Variants in PIGK observed in about 807,000 individuals in gnomAD.
PIGK encodes the protein phosphatidylinositol glycan anchor biosynthesis class K.
In PIGK, 42 loss-of-function variants were observed where a neutral mutation model predicts 50.6. The observed-to-expected ratio is 0.83, with a 90% CI of 0.65 to 1.07. PIGK has a LOEUF of 1.07. Ranked by LOEUF, PIGK falls within the 50% of genes least tolerant of loss-of-function variation. PIGK has a pLI of 0.00. For synonymous variants in PIGK, 151 were observed against 156.0 expected, an observed-to-expected ratio of 0.97 and a Z score of 0.24; for missense variants, 448 against 488.7, an observed-to-expected ratio of 0.92 and a Z score of 0.78.
chr1:77,154,401 A>G (rs778309702), intron 9 of PIGK, 48 bp downstream of exon 9: 1 of 1,405,524 alleles, frequency 7.1e-7, no homozygotes, highest in South Asian at 1.2e-5. Context: ...AAAAATGTAC[A>G]AACTGTGAGA....
chr1:77,190,931 T>C (rs1469341018), intron 3 of PIGK, among the ~76,000 whole-genome samples: 2 of 152,172 alleles, frequency 1.3e-5, no homozygotes, highest in African/African-American at 2.4e-5. Flanking sequence ...AGTCTTCCAA[T>C]AGCAGGAGAG....
chr1:77,093,065 T>C (rs1358272601), intron 10 of PIGK, among the ~76,000 whole-genome samples: 1 of 152,066 alleles, frequency 6.6e-6, no homozygotes, highest in African/African-American at 2.4e-5. Context: ...AACCTATTCA[T>C]TGTGCCTATT....
At chr1:77,093,941 A>G (rs1326424699) in intron 10 of PIGK, among the ~76,000 whole-genome samples, 1 of 152,134 alleles carries the variant, frequency 6.6e-6, no homozygotes, top group Non-Finnish European at 1.5e-5. Context: ...TCTTAATTCA[A>G]TTCCAGTAGA....
chr1:77,177,223 C>A (rs1655507678), intron 3 of PIGK, among the ~76,000 whole-genome samples: 1 of 152,212 alleles, frequency 6.6e-6, no homozygotes, highest in African/African-American at 2.4e-5. Context: ...CAGTCAACCC[C>A]TTCTGTTGGG....
rs188105105 is a variant in PIGK at position 77,108,243 on chromosome 1, A to G, written c.1071+14032T>C. On this transcript the variant is annotated intron_variant, in intron 10 of 10. Transcript: ENST00000370812. ...TGGCTGGTAGTGGTTGTTCCTCTCC[A>G]TGTTTAGTGCTTCCTTCAGGAGCTC... Among the ~76,000 whole-genome samples the G allele has an allele frequency of 6.3e-4, 96 of 152,294 alleles. 1 individual carries two copies. Among genetic ancestry groups the G allele is most frequent in the African/African-American group, 2.1e-3 (89 of 41,544 alleles).
intron 9 of PIGK, among the ~76,000 whole-genome samples, chr1:77,137,943 T>C (rs1654559358): frequency 6.6e-6 from 1 of 152,194 alleles, no homozygotes; most frequent in African/African-American, 2.4e-5. Context: ...TTATTTTGTA[T>C]TTTGTAATTG....
At chr1:77,100,250 T>C (rs1033186461) in intron 10 of PIGK, among the ~76,000 whole-genome samples, 9 of 152,232 alleles carry the variant, frequency 5.9e-5, no homozygotes, top group Non-Finnish European at 1.2e-4. Flanking sequence ...AGTTAAATTG[T>C]ATTTTAAGGA....
At chr1:77,169,548 T>A (rs896373207) in intron 3 of PIGK, among the ~76,000 whole-genome samples, 153 bp from the exon 4 acceptor site, 2 of 150,490 alleles carry the variant, frequency 1.3e-5, no homozygotes, top group African/African-American at 2.4e-5. Context: ...ATTATTTTTT[T>A]CATATCCTTG....
intron 1 of PIGK, among the ~76,000 whole-genome samples, chr1:77,213,511 T>G (rs960669492): frequency 6.6e-6 from 1 of 152,100 alleles, no homozygotes; most frequent in Non-Finnish European, 1.5e-5. Context: ...AAATTTCCTT[T>G]AATACATGAA....
chr1:77,124,533 C>T (rs951724817), intron 9 of PIGK, among the ~76,000 whole-genome samples: 5 of 151,600 alleles, frequency 3.3e-5, no homozygotes, highest in East Asian at 2.0e-4. Context: ...TGCTTGAACC[C>T]GGGAGATGGA....
At chr1:77,200,894 T>C (rs1656148945) in intron 3 of PIGK, among the ~76,000 whole-genome samples, 1 of 152,018 alleles carries the variant, frequency 6.6e-6, no homozygotes, top group South Asian at 2.1e-4. Flanking sequence ...TAATTCATTA[T>C]AAAATTCCTA....
At chr1:77,163,669 T>C (rs1570234843) in intron 6 of PIGK, among the ~76,000 whole-genome samples, 177 bp downstream of exon 6, 1 of 152,164 alleles carries the variant, frequency 6.6e-6, no homozygotes, top group Non-Finnish European at 1.5e-5. Context: ...AGAATAACTC[T>C]CAGTTTTTCT....
chr1:77,214,276 T>A (rs1656496896), intron 1 of PIGK, among the ~76,000 whole-genome samples: 1 of 151,900 alleles, frequency 6.6e-6, no homozygotes, highest in Non-Finnish European at 1.5e-5. Context: ...GATGCAAAAA[T>A]CTTCAACAAA....
At chr1:77,183,970 T>C (rs1364010283) in intron 3 of PIGK, among the ~76,000 whole-genome samples, 3 of 152,158 alleles carry the variant, frequency 2.0e-5, no homozygotes, top group Admixed American at 6.5e-5. Context: ...ACTGCATTTT[T>C]GAAGAGCCCT....
At chr1:77,175,837 G>A (rs1655472883) in intron 3 of PIGK, among the ~76,000 whole-genome samples, 1 of 152,016 alleles carries the variant, frequency 6.6e-6, no homozygotes, top group South Asian at 2.1e-4. Flanking sequence ...AAATTCTAAA[G>A]AGTTATAAAA....
At chr1:77,189,102 CA>C (rs1314839330) in intron 3 of PIGK, among the ~76,000 whole-genome samples, 25 of 152,144 alleles carry the variant, frequency 1.6e-4, no homozygotes, top group African/African-American at 6.0e-4. Flanking sequence ...TATCATATGA[CA>C]TAAGATTTAT....
chr1:77,097,790 C>T (rs1043455916), intron 10 of PIGK, among the ~76,000 whole-genome samples: 1 of 151,998 alleles, frequency 6.6e-6, no homozygotes, highest in South Asian at 2.1e-4. Context: ...GCTCGGATTT[C>T]ATATAAATAT....
At chr1:77,126,391 G>A (rs1371500647) in intron 9 of PIGK, among the ~76,000 whole-genome samples, 3 of 152,110 alleles carry the variant, frequency 2.0e-5, no homozygotes, top group African/African-American at 4.8e-5. Flanking sequence ...ACGGAGGTAA[G>A]CTGACTTACT....
chr1:77,120,898 A>C (rs1654081644), intron 10 of PIGK, among the ~76,000 whole-genome samples: 1 of 152,230 alleles, frequency 6.6e-6, no homozygotes, highest in Non-Finnish European at 1.5e-5. Context: ...AATTTTCACC[A>C]GGGTCAAAAA....
Sources: gnomAD v4.1 joint callset for allele counts (sites outside exome capture counted in the v4.1 genomes callset) on GRCh38, gnomAD v4.1.1 for gene constraint, MANE v1.5 for transcripts, NCBI Gene and HGNC (gene_info 2026-07-23, HGNC 2026-07-21) for gene names.